Variants in FYCO1 observed in about 807,000 individuals in gnomAD.
FYCO1 encodes FYVE and coiled-coil domain-containing protein 1.
In FYCO1, 122 loss-of-function variants were observed where a neutral mutation model predicts 165.1. The observed-to-expected ratio is 0.74, with a 90% CI of 0.64 to 0.86. FYCO1 has a LOEUF of 0.86. FYCO1 is among the 40% of genes least tolerant of loss of function. The pLI is 0.00. For synonymous variants in FYCO1, 648 were observed against 742.5 expected, an observed-to-expected ratio of 0.87 and a Z score of 2.07; for missense variants, 1,702 against 1,810.3, an observed-to-expected ratio of 0.94 and a Z score of 1.09.
At chr3:45,946,480 C>G (rs748939933) in intron 14 of FYCO1, 1 of 1,610,776 alleles carries the variant, frequency 6.2e-7, no homozygotes, top group South Asian at 1.1e-5. Context: ...AGAACAGACA[C>G]CATGGCAGAG....
At chr3:45,957,866 C>T (rs1375075293) in intron 13 of FYCO1, among the ~76,000 whole-genome samples, 2 of 152,272 alleles carry the variant, frequency 1.3e-5, no homozygotes, top group South Asian at 4.1e-4. Context: ...CTGTGTTCCA[C>T]ATTCAAAGTC....
chr3:45,984,950 G>A lies in FYCO1; in HGVS notation c.-40C>T. On this transcript the variant is annotated 5_prime_UTR_variant, in exon 2 of 18. Coordinates refer to ENST00000296137, the MANE Select transcript of FYCO1 (RefSeq NM_024513.4). Reference sequence around the variant, plus strand: ...TCTTGTCTGTATGTCTCCTGCCTGGGTCCAGAGGAAGGCTCAGAATTTCGG... The same window carrying A: ...TCTTGTCTGTATGTCTCCTGCCTGGATCCAGAGGAAGGCTCAGAATTTCGG... 1.9e-6 allele frequency: 3 copies of A among 1,610,488 alleles called. No individual in the cohort carries two copies. The highest frequency in any genetic ancestry group is 2.5e-6 in the Non-Finnish European group (3 of 1,176,728).
chr3:45,952,266 G>A (rs912631109), intron 14 of FYCO1, among the ~76,000 whole-genome samples: 7 of 151,970 alleles, frequency 4.6e-5, no homozygotes, highest in Non-Finnish European at 8.8e-5. Context: ...AATCTCTCCC[G>A]GATCCCTTCT....
At chr3:45,956,717 G>A (rs1705350678) in intron 13 of FYCO1, among the ~76,000 whole-genome samples, 1 of 152,260 alleles carries the variant, frequency 6.6e-6, no homozygotes, top group South Asian at 2.1e-4. Flanking sequence ...AGACAGCAGG[G>A]ATCTAAAATG....
In FYCO1 at chr3:45,962,284, G is replaced by C. The variant is rs762810131; in HGVS notation, c.3378C>G (p.Asp1126Glu). The change falls in exon 11 of 18, where the codon GAC becomes GAG. Residue 1126 changes from aspartate to glutamate, a missense_variant. By Grantham distance (45) the Asp-to-Glu change is conservative. Coordinates refer to ENST00000296137, the MANE Select transcript of FYCO1 (RefSeq NM_024513.4). This position sits in a 1 kb window ranked among gnomAD's most constrained non-coding sequence, Gnocchi z 4.4. ...TCTTGGTTCTGTTGAGGTCATCCAG[G>C]TCAGCAAGCATCTTCTGGTCATTCC... ...RERNDQKMLA[D>E]LDDLNRTKKY... is the part of the protein sequence containing the mutation. 2.5e-6 allele frequency: 4 copies of C among 1,614,204 alleles called. No individual in the cohort carries two copies. Among genetic ancestry groups the C allele is most frequent in the South Asian group, 1.1e-5 (1 of 91,082 alleles).
At chr3:45,932,573 G>C (rs1703685618) in intron 15 of FYCO1, among the ~76,000 whole-genome samples, 1 of 152,198 alleles carries the variant, frequency 6.6e-6, no homozygotes, top group African/African-American at 2.4e-5. Flanking sequence ...TTTAACACAG[G>C]GGAGGGAATT....
intron 14 of FYCO1, 95 bp from the exon 15 acceptor site, chr3:45,936,638 A>G: frequency 1.2e-6 from 1 of 832,392 alleles, no homozygotes; most frequent in South Asian, 1.3e-5. Context: ...AGGCAGCCAA[A>G]TCCAGATGCA....
chr3:45,946,946 C>T (rs776905641), intron 14 of FYCO1: 12 of 1,614,204 alleles, frequency 7.4e-6, no homozygotes, highest in South Asian at 1.1e-5. Flanking sequence ...GCTTGCTCAT[C>T]TGGGTGATAT....
intron 1 of FYCO1, among the ~76,000 whole-genome samples, chr3:45,994,295 C>G (rs569954239): frequency 6.6e-6 from 1 of 151,730 alleles, no homozygotes. Flanking sequence ...TTCAGTGATT[C>G]TGTATGTTTA....
chr3:45,982,328 A>G (rs1340180809), intron 2 of FYCO1, among the ~76,000 whole-genome samples: 3 of 152,184 alleles, frequency 2.0e-5, no homozygotes, highest in Non-Finnish European at 4.4e-5. Flanking sequence ...AAAAAGTACA[A>G]TTTAGAATCT....
intron 7 of FYCO1, among the ~76,000 whole-genome samples, chr3:45,969,044 C>T (rs1386903777): frequency 3.3e-5 from 5 of 152,134 alleles, no homozygotes; most frequent in Admixed American, 6.5e-5. Flanking sequence ...GTGCCATACC[C>T]GTAACTGCAA....
Position 45,984,867 on chromosome 3 carries a change from C to T in FYCO1, c.44G>A (p.Arg15Gln), listed in dbSNP as rs148420941. 3.4e-5 allele frequency: 55 copies of T among 1,614,220 alleles called. No homozygotes were observed. The African/African-American group carries it at 4.1e-4, about 12-fold the overall frequency. ...NAESQLQRII[R>Q]DLQDAVTELS... is the part of the protein sequence containing the mutation. ...GCAACCTACCATACCTTGCAAGTCT[C>T]GGATGATTCTCTGGAGCTGGCTCTC... Residue 15 changes from arginine to glutamine, a missense_variant, in exon 2 of 18, where the codon CGA becomes CAA. Physicochemically the swap from Arg to Gln is conservative, Grantham distance 43. Coordinates refer to ENST00000296137, the MANE Select transcript of FYCO1 (RefSeq NM_024513.4).
chr3:45,950,424 C>T (rs915472370), intron 14 of FYCO1, among the ~76,000 whole-genome samples: 1 of 152,072 alleles, frequency 6.6e-6, no homozygotes, highest in East Asian at 1.9e-4. Context: ...GTGCTAGGGG[C>T]CCAGGTGTCC....
intron 16 of FYCO1, among the ~76,000 whole-genome samples, chr3:45,928,230 G>A (rs892745150): frequency 3.9e-5 from 6 of 152,172 alleles, no homozygotes; most frequent in African/African-American, 1.2e-4. Context: ...AAGTGCGTGA[G>A]TTATATCTCA....
At chr3:45,944,599 C>T (rs1036438711) in intron 14 of FYCO1, among the ~76,000 whole-genome samples, 1 of 152,018 alleles carries the variant, frequency 6.6e-6, no homozygotes, top group Admixed American at 6.6e-5. Flanking sequence ...GTTTTTAGTT[C>T]GCCTAGAAGG....
intron 11 of FYCO1, among the ~76,000 whole-genome samples, chr3:45,960,409 C>A (rs1254678300): frequency 1.3e-5 from 2 of 152,170 alleles, no homozygotes; most frequent in Non-Finnish European, 2.9e-5. Flanking sequence ...AATAAAAAAG[C>A]TTGAACATGG....
At position 45,921,617 on chromosome 3, in the gene FYCO1, G is replaced by A; in HGVS notation, c.*148C>T. 1 of 689,658 alleles carries A rather than the reference G, an allele frequency of 1.4e-6. No individual in the cohort carries two copies. The allele number at this position is 689,658 out of a possible 1,614,324, so 42.7% of individuals were successfully genotyped here. ...GCCGGTGCAGAGTGCTGAGCACAAA[G>A]TCCTCCCCAGACACCGCCTCTGAGG... is the stretch of plus-strand genomic sequence containing the variant. On this transcript the variant is annotated 3_prime_UTR_variant, in exon 18 of 18. Transcript: ENST00000296137.
Position 45,923,679 on chromosome 3 carries a change from G to A in FYCO1, c.4338C>T (p.Leu1446=). The A allele has an allele frequency of 2.5e-6, 4 of 1,613,518 alleles. No individual in the cohort carries two copies. Among genetic ancestry groups the A allele is most frequent in the Non-Finnish European group, 1.7e-6 (2 of 1,179,368 alleles). Reference sequence around the variant, plus strand: ...ACCTTGAGAAGGTATTGTCGAAGATGAGCATGTAGATGCCGGGTGTGCGAA... The same window carrying A: ...ACCTTGAGAAGGTATTGTCGAAGATAAGCATGTAGATGCCGGGTGTGCGAA... ...LKVRTPGIYM[L]IFDNTFSRFV... The change falls in exon 17 of 18, where the codon CTC becomes CTT. Residue 1446 remains leucine, a synonymous_variant. Transcript: ENST00000296137.
chr3:45,936,626 A>C, intron 14 of FYCO1, 83 bp from the exon 15 acceptor site: 1 of 948,570 alleles, frequency 1.1e-6, no homozygotes. Flanking sequence ...TCTTGGAGTC[A>C]CAGGCAGCCA....
Sources: allele counts gnomAD v4.1 joint callset (sites outside exome capture counted in the v4.1 genomes callset), GRCh38; gene constraint gnomAD v4.1.1; non-coding constraint Gnocchi (gnomAD v3.1); transcripts MANE v1.5; gene names NCBI Gene and HGNC (gene_info 2026-07-23, HGNC 2026-07-21).